The following MDH2 variants were observed in gnomAD, a reference collection of about 807,000 sequenced individuals.
The protein encoded by MDH2 is malate dehydrogenase, mitochondrial.
In MDH2, 25 loss-of-function variants were observed where a neutral mutation model predicts 33.6. That is an observed-to-expected ratio of 0.74 (90% CI 0.54 to 1.04). The LOEUF is 1.04. MDH2 is among the 50% of genes least tolerant of loss of function. The probability of loss-of-function intolerance (pLI) is 0.00; values close to 1 mark genes in which losing one functional copy is unlikely to be tolerated. For synonymous variants in MDH2, 193 were observed against 188.7 expected (o/e 1.02, Z -0.19); for missense variants, 432 against 445.0 (o/e 0.97, Z 0.26).
In MDH2 at chr7:76,064,336, C is replaced by T. The variant is rs1554587459; in HGVS notation, c.634-3C>T. On this transcript the variant is annotated splice_polypyrimidine_tract_variant and splice_region_variant and intron_variant, in intron 6 of 8. Coordinates refer to ENST00000315758, the MANE Select transcript of MDH2 (RefSeq NM_005918.4). Reference sequence around the variant, plus strand: ...CTCACTGATCCCATGGCTTGGCTTGCAGTGCACCCCCAAGGTGGACTTTCC... The same window carrying T: ...CTCACTGATCCCATGGCTTGGCTTGTAGTGCACCCCCAAGGTGGACTTTCC... 2 of 1,608,880 alleles carry T rather than the reference C, an allele frequency of 1.2e-6. 1 individual carries two copies. Among genetic ancestry groups the T allele is most frequent in the South Asian group, 2.2e-5 (2 of 89,942 alleles).
At chr7:76,048,360 G>A in intron 1 of MDH2, 134 bp downstream of exon 1, 1 of 1,318,102 alleles carries the variant, frequency 7.6e-7, no homozygotes, top group Non-Finnish European at 1.0e-6. Context: ...GCTGGAGACT[G>A]TGGCGCCCGG....
chr7:76,056,215 C>T (rs1797775900), intron 2 of MDH2, among the ~76,000 whole-genome samples: 1 of 152,160 alleles, frequency 6.6e-6, no homozygotes, highest in South Asian at 2.1e-4. Context: ...CTGTTTGCTT[C>T]TGTAAATATA....
chr7:76,053,756 T>TGCCTGCCA (rs1209078876), intron 1 of MDH2, among the ~76,000 whole-genome samples: 1 of 152,168 alleles, frequency 6.6e-6, no homozygotes, highest in Non-Finnish European at 1.5e-5. Flanking sequence ...CCTGCCTGCC[T>TGCCTGCCA]GCCTGCCAGG....
chr7:76,059,231 A>C (rs1797873390), intron 4 of MDH2, among the ~76,000 whole-genome samples: 1 of 152,230 alleles, frequency 6.6e-6, no homozygotes. Context: ...GGCATGAGCC[A>C]CTGCGCCCAG....
intron 5 of MDH2, among the ~76,000 whole-genome samples, chr7:76,062,523 C>T (rs1226788508): frequency 6.6e-6 from 1 of 152,260 alleles, no homozygotes; most frequent in Non-Finnish European, 1.5e-5. Context: ...GGCTCATTTT[C>T]CAACCTAGGA....
chr7:76,048,729 A>G, intron 1 of MDH2: 1 of 1,233,992 alleles, frequency 8.1e-7, no homozygotes, highest in Non-Finnish European at 1.0e-6. Flanking sequence ...GAGGATTAGA[A>G]TTCAGCGCTT....
At chr7:76,058,994 T>C (rs1797867023) in intron 4 of MDH2, among the ~76,000 whole-genome samples, 1 of 152,210 alleles carries the variant, frequency 6.6e-6, no homozygotes, top group Non-Finnish European at 1.5e-5. Flanking sequence ...CCCAGGCCAG[T>C]GTGCAGTGGT....
chr7:76,054,304 G>C (rs1554585884), intron 1 of MDH2, among the ~76,000 whole-genome samples: 1 of 152,192 alleles, frequency 6.6e-6, no homozygotes, highest in Non-Finnish European at 1.5e-5. Context: ...CTGCCTGGAT[G>C]AATCTTCTCT....
chr7:76,050,767 T>G (rs1554585305), intron 1 of MDH2, among the ~76,000 whole-genome samples: 1 of 152,160 alleles, frequency 6.6e-6, no homozygotes, highest in Non-Finnish European at 1.5e-5. Flanking sequence ...GATTTGCTGA[T>G]GTGTGATTAG....
intron 5 of MDH2, among the ~76,000 whole-genome samples, chr7:76,062,197 C>T (rs1554587113): frequency 6.6e-6 from 1 of 152,214 alleles, no homozygotes; most frequent in African/African-American, 2.4e-5. Context: ...ATCCTCTCAC[C>T]CACCATATTC....
At chr7:76,054,492 T>C (rs1797713365) in intron 1 of MDH2, 2 of 301,738 alleles carry the variant, frequency 6.6e-6, no homozygotes, top group Non-Finnish European at 1.2e-5. Context: ...AGGCACTCAG[T>C]GTGTGTTTAT....
At chr7:76,062,938 G>T in intron 5 of MDH2, among the ~76,000 whole-genome samples, 1 of 152,272 alleles carries the variant, frequency 6.6e-6, no homozygotes, top group Admixed American at 6.5e-5. Flanking sequence ...GATTCTTGGG[G>T]GTGTGGTACC....
At chr7:76,064,484 C>G in intron 7 of MDH2, 46 bp downstream of exon 7, 24 of 1,500,932 alleles carry the variant, frequency 1.6e-5, no homozygotes, top group Non-Finnish European at 2.2e-5. Flanking sequence ...TGAGGCCCTG[C>G]GAGAGCTCAG....
rs782791020 is a variant in MDH2, at chr7:76,064,793, C to T, written c.734-9C>T. On this transcript the variant is annotated splice_polypyrimidine_tract_variant and intron_variant, in intron 7 of 8. Coordinates refer to ENST00000315758, the MANE Select transcript of MDH2 (RefSeq NM_005918.4). The stretch of plus-strand genomic sequence containing the variant: ...CACCAGCCAGGCTGACCTGTCTGTG[C>T]CCCCCTAGGCTCTGCCACCCTCTCC... 42 of 1,611,070 alleles carry T rather than the reference C, an allele frequency of 2.6e-5. No individual in the cohort carries two copies. The Middle Eastern group carries it at 8.8e-4, about 34-fold the overall frequency.
Position 76,066,470 on chromosome 7 carries a change from C to A in MDH2, c.*60C>A. ...TGAAGGCATCATGTCACTGCAAAGC[C>A]GTTGCAGATAAACTTTGTATTTTAA... On this transcript the variant is annotated 3_prime_UTR_variant, in exon 9 of 9. Coordinates refer to ENST00000315758, the MANE Select transcript of MDH2 (RefSeq NM_005918.4). The A allele has an allele frequency of 6.5e-7, 1 of 1,536,922 alleles. No individual in the cohort carries two copies.
At position 76,054,974 on chromosome 7, in the gene MDH2, A is replaced by G. The variant is rs537742207; in HGVS notation, c.211A>G (p.Ile71Val). 8.1e-6 allele frequency: 13 copies of G among 1,613,828 alleles called. No individual in the cohort carries two copies. Among genetic ancestry groups the G allele is most frequent in the South Asian group, 1.1e-5 (1 of 91,024 alleles). ...TPGVAADLSH[I>V]ETKAAVKGYL... ...CGGAGTGGCCGCAGATCTGAGCCACATCGAGACCAAAGCCGCTGTGAAAGG... is the reference window on the plus strand; with the variant it reads ...CGGAGTGGCCGCAGATCTGAGCCACGTCGAGACCAAAGCCGCTGTGAAAGG... Residue 71 changes from isoleucine to valine, a missense_variant, in exon 2 of 9, where the codon ATC (isoleucine) becomes GTC (valine). By Grantham distance (29) the Ile-to-Val change is conservative. Coordinates refer to ENST00000315758, the MANE Select transcript of MDH2 (RefSeq NM_005918.4).
Position 76,059,228 on chromosome 7 carries a change from G to A in MDH2, c.430-1145G>A, listed in dbSNP as rs540829758. On this transcript the variant is annotated intron_variant, in intron 4 of 8. Coordinates refer to ENST00000315758, the MANE Select transcript of MDH2 (RefSeq NM_005918.4). ...CAGAGTGCTGGGATTACAGGCATGA[G>A]CCACTGCGCCCAGCCAGTTTAAAAC... Among the ~76,000 whole-genome samples, 75 of 152,236 alleles carry A rather than the reference G, an allele frequency of 4.9e-4. 1 individual carries two copies. Among genetic ancestry groups the A allele is most frequent in the Non-Finnish European group, 9.1e-4 (62 of 68,042 alleles).
chr7:76,064,749 C>T lies in MDH2; in HGVS notation c.734-53C>T, dbSNP rs1320508824. On this transcript the variant is annotated intron_variant, in intron 7 of 8. Coordinates refer to ENST00000315758, the MANE Select transcript of MDH2 (RefSeq NM_005918.4). ...GTCTTGGCTGGCGGGGCCGGCTCAC[C>T]TGGGCGTCACGTTTGTGGCACCAGC... The T allele has an allele frequency of 3.2e-6, 5 of 1,553,126 alleles. No homozygotes were observed. In the African/African-American group the frequency reaches 5.5e-5, roughly 17 times the overall value.
chr7:76,060,252 TG>T, intron 4 of MDH2, 120 bp from the exon 5 acceptor site: 1 of 1,318,860 alleles, frequency 7.6e-7, no homozygotes, highest in South Asian at 1.5e-5. Context: ...GGCAGTTTAA[TG>T]TGGCATCTTT....
Sources: gnomAD v4.1 joint callset for allele counts (sites outside exome capture counted in the v4.1 genomes callset) on GRCh38, gnomAD v4.1.1 for gene constraint, MANE v1.5 for transcripts, NCBI Gene and HGNC (gene_info 2026-07-23, HGNC 2026-07-21) for gene names.